TMEM178B: variants seen among roughly 807,000 people sequenced by gnomAD.
The protein encoded by TMEM178B is transmembrane protein 178B.
A neutral mutation model predicts 31.0 loss-of-function variants in TMEM178B; 5 were observed. That is an observed-to-expected ratio of 0.16 (90% CI 0.08 to 0.34). The LOEUF (loss-of-function observed/expected upper bound fraction) is 0.34, where lower values mean the gene tolerates loss of function less well. Ranked by LOEUF, TMEM178B falls within the 10% of genes least tolerant of loss-of-function variation. The pLI is 1.00. For synonymous variants in TMEM178B, 164 were observed against 164.0 expected, an observed-to-expected ratio of 1.00 and a Z score of 0.00; for missense variants, 275 against 400.3, an observed-to-expected ratio of 0.69 and a Z score of 2.67.
At chr7:141,202,657 C>T (rs964149397) in intron 1 of TMEM178B, among the ~76,000 whole-genome samples, 3 of 152,192 alleles carry the variant, frequency 2.0e-5, no homozygotes, top group African/African-American at 4.8e-5. Context: ...TCTGGCTGGG[C>T]CTGCAGCAGC....
chr7:141,447,706 A>G (rs1434860077), intron 3 of TMEM178B, among the ~76,000 whole-genome samples: 2 of 152,018 alleles, frequency 1.3e-5, no homozygotes, highest in East Asian at 3.9e-4. Flanking sequence ...GTGTCTGTCC[A>G]TATCTGGAGA....
At chr7:141,202,088 G>A (rs1003307417) in intron 1 of TMEM178B, among the ~76,000 whole-genome samples, 5 of 152,076 alleles carry the variant, frequency 3.3e-5, no homozygotes, top group African/African-American at 1.2e-4. Flanking sequence ...GGATAATAAT[G>A]CACCTTTTAG....
At chr7:141,451,859 T>A (rs1801869325) in intron 3 of TMEM178B, among the ~76,000 whole-genome samples, 1 of 152,168 alleles carries the variant, frequency 6.6e-6, no homozygotes, top group African/African-American at 2.4e-5. Flanking sequence ...TCTTGGAGTC[T>A]CTGTTCCCGC....
At chr7:141,252,395 A>G (rs772878528) in intron 2 of TMEM178B, among the ~76,000 whole-genome samples, 1 of 152,186 alleles carries the variant, frequency 6.6e-6, no homozygotes, top group Admixed American at 6.5e-5. Flanking sequence ...AATTGTGCCC[A>G]TATTTGCTGT....
At chr7:141,292,820 T>G (rs55715730) in intron 2 of TMEM178B, among the ~76,000 whole-genome samples, 59,659 of 151,428 alleles carry the variant, frequency 0.39, 12,483 homozygotes, top group Admixed American at 0.48. Context: ...GTATTTTTAG[T>G]AGAGATGGTG....
At chr7:141,222,293 A>T (rs1181785513) in intron 2 of TMEM178B, among the ~76,000 whole-genome samples, 1 of 152,182 alleles carries the variant, frequency 6.6e-6, no homozygotes, top group African/African-American at 2.4e-5. Flanking sequence ...TCTAGCCTCC[A>T]AATCTCTATC....
At chr7:141,299,276 A>C (rs1219828349) in intron 2 of TMEM178B, among the ~76,000 whole-genome samples, 1 of 152,186 alleles carries the variant, frequency 6.6e-6, no homozygotes, top group Non-Finnish European at 1.5e-5. Flanking sequence ...TCCTAGGTGC[A>C]AGTGATTCTC....
intron 1 of TMEM178B, among the ~76,000 whole-genome samples, chr7:141,087,344 A>G (rs1052155939): frequency 3.3e-5 from 5 of 152,236 alleles, no homozygotes; most frequent in Non-Finnish European, 4.4e-5. Flanking sequence ...GGAGGAAATC[A>G]GGGCTTTACA....
chr7:141,247,112 T>TCG (rs1393967225), intron 2 of TMEM178B, among the ~76,000 whole-genome samples: 1 of 151,982 alleles, frequency 6.6e-6, no homozygotes, highest in Non-Finnish European at 1.5e-5. Flanking sequence ...AATCTTTCGC[T>TCG]CTCTCTTTCT....
chr7:141,274,959 G>A lies in TMEM178B; in HGVS notation c.496+62255G>A, dbSNP rs73737733. On this transcript the variant is annotated intron_variant, in intron 2 of 3. Coordinates refer to ENST00000565468, the MANE Select transcript of TMEM178B (RefSeq NM_001195278.2). ...TCCCAAAAACATGTGCCTTCCCTCC[G>A]CTGCCTAAAAACCGAAGATTTAAGT... Among the ~76,000 whole-genome samples the A allele has an allele frequency of 6.6e-3, 999 of 152,258 alleles. 8 individuals are homozygous for A. Among genetic ancestry groups the A allele is most frequent in the African/African-American group, 0.022 (930 of 41,526 alleles).
At chr7:141,432,649 T>C (rs1318572194) in intron 2 of TMEM178B, among the ~76,000 whole-genome samples, 1 of 152,228 alleles carries the variant, frequency 6.6e-6, no homozygotes, top group Non-Finnish European at 1.5e-5. Context: ...TATTCTGTTT[T>C]TGTTTCACAG....
intron 2 of TMEM178B, among the ~76,000 whole-genome samples, chr7:141,358,628 TAA>T (rs1799864082): frequency 6.6e-6 from 1 of 152,080 alleles, no homozygotes; most frequent in Non-Finnish European, 1.5e-5. Flanking sequence ...AGCTCTTTCA[TAA>T]AAGTTTCCCA....
intron 2 of TMEM178B, among the ~76,000 whole-genome samples, chr7:141,360,452 C>T (rs1447802606): frequency 1.3e-5 from 2 of 152,164 alleles, no homozygotes; most frequent in Admixed American, 6.5e-5. Context: ...ATTTTGATTC[C>T]AAATCTAAGG....
At chr7:141,219,962 T>C (rs1441432361) in intron 2 of TMEM178B, among the ~76,000 whole-genome samples, 1 of 152,066 alleles carries the variant, frequency 6.6e-6, no homozygotes, top group Non-Finnish European at 1.5e-5. Flanking sequence ...TTTTTATTTT[T>C]CAGGAGGCCT....
At chr7:141,142,981 G>A (rs1795798671) in intron 1 of TMEM178B, among the ~76,000 whole-genome samples, 1 of 152,166 alleles carries the variant, frequency 6.6e-6, no homozygotes, top group African/African-American at 2.4e-5. Flanking sequence ...TAGTTATGTG[G>A]AGCATTTTTT....
At chr7:141,456,872 C>T (rs1801973438) in intron 3 of TMEM178B, among the ~76,000 whole-genome samples, 1 of 152,202 alleles carries the variant, frequency 6.6e-6, no homozygotes, top group African/African-American at 2.4e-5. Flanking sequence ...CTCCTTACTG[C>T]ACAGCTGTAG....
intron 1 of TMEM178B, among the ~76,000 whole-genome samples, chr7:141,093,166 G>T (rs1361850845): frequency 6.6e-6 from 1 of 152,058 alleles, no homozygotes; most frequent in African/African-American, 2.4e-5. Flanking sequence ...TTATAGAAGG[G>T]CATATATAGA....
intron 1 of TMEM178B, among the ~76,000 whole-genome samples, chr7:141,118,927 T>C (rs1349687573): frequency 6.6e-6 from 1 of 152,238 alleles, no homozygotes; most frequent in Non-Finnish European, 1.5e-5. Flanking sequence ...TAATTATGTG[T>C]TAATCTTATC....
intron 1 of TMEM178B, among the ~76,000 whole-genome samples, chr7:141,207,485 A>G (rs1172073866): frequency 6.6e-6 from 1 of 152,138 alleles, no homozygotes; most frequent in Non-Finnish European, 1.5e-5. Context: ...AGCCATCCTA[A>G]CAGGTATGAG....
Sources: allele counts gnomAD v4.1 joint callset (sites outside exome capture counted in the v4.1 genomes callset), GRCh38; gene constraint gnomAD v4.1.1; transcripts MANE v1.5; gene names NCBI Gene and HGNC (gene_info 2026-07-23, HGNC 2026-07-21).